Variants in TCF4 observed in about 807,000 individuals in gnomAD.
TCF4 encodes transcription factor 4, also known as SL3-3 enhancer factor 2.
Under a neutral mutation model 82.1 loss-of-function variants are expected in TCF4, and 3 were observed. That is an observed-to-expected ratio of 0.04 (90% CI 0.02 to 0.09). The LOEUF (loss-of-function observed/expected upper bound fraction) is 0.09, where lower values mean the gene tolerates loss of function less well. TCF4 is among the 10% of genes least tolerant of loss of function. The pLI, the probability that TCF4 is intolerant of heterozygous loss-of-function variation, is 1.00. For synonymous variants in TCF4, 276 were observed against 309.6 expected, an observed-to-expected ratio of 0.89 and a Z score of 1.14; for missense variants, 518 against 852.7, an observed-to-expected ratio of 0.61 and a Z score of 4.89.
intron 3 of TCF4, among the ~76,000 whole-genome samples, chr18:55,476,544 G>A (rs1379220078): frequency 1.3e-5 from 2 of 151,688 alleles, no homozygotes; most frequent in South Asian, 4.2e-4. Context: ...GGTGCGATCA[G>A]GGCTCGCTGC....
intron 8 of TCF4, among the ~76,000 whole-genome samples, chr18:55,294,124 G>T (rs2146697415): frequency 6.6e-6 from 1 of 151,236 alleles, no homozygotes; most frequent in South Asian, 2.1e-4. Flanking sequence ...GCTGAGTATG[G>T]TGGTGGGTGC....
At chr18:55,257,180 C>T (rs1568489987) in intron 14 of TCF4, 135 bp downstream of exon 14, 4 of 894,510 alleles carry the variant, frequency 4.5e-6, no homozygotes, top group East Asian at 2.6e-5. Context: ...ACTCTGGCTC[C>T]CGCAAACCTG....
intron 5 of TCF4, among the ~76,000 whole-genome samples, chr18:55,431,558 T>C (rs1224217125): frequency 6.6e-6 from 1 of 152,076 alleles, no homozygotes; most frequent in Non-Finnish European, 1.5e-5. Flanking sequence ...GGGATTACAG[T>C]TGTGAACCAC....
chr18:55,387,880 A>G (rs1022790018), intron 6 of TCF4, among the ~76,000 whole-genome samples: 3 of 152,198 alleles, frequency 2.0e-5, no homozygotes, highest in Non-Finnish European at 2.9e-5. Flanking sequence ...AAGCGGGTAC[A>G]AAGACATCAA....
intron 8 of TCF4, among the ~76,000 whole-genome samples, chr18:55,324,194 G>A (rs1159998063): frequency 1.3e-5 from 2 of 152,172 alleles, no homozygotes; most frequent in African/African-American, 2.4e-5. Flanking sequence ...TTGCCTAATG[G>A]AAACGAGTCT....
intron 8 of TCF4, among the ~76,000 whole-genome samples, chr18:55,280,049 T>C (rs2062241232): frequency 6.6e-6 from 1 of 152,168 alleles, no homozygotes; most frequent in Non-Finnish European, 1.5e-5. Flanking sequence ...CTCTTTCAAA[T>C]GGTAGAGTAA....
intron 3 of TCF4, among the ~76,000 whole-genome samples, chr18:55,552,123 T>C (rs1461654335): frequency 6.6e-6 from 1 of 152,174 alleles, no homozygotes; most frequent in African/African-American, 2.4e-5. Context: ...AAATATCCCA[T>C]TCCATCTAGG....
intron 8 of TCF4, chr18:55,322,092 C>CTTTTTTTTTTTCTTTTTTTTTT (rs2075666174): frequency 2.2e-6 from 2 of 920,766 alleles, no homozygotes; most frequent in Non-Finnish European, 1.3e-6. Context: ...TTTTTCTTTT[C>CTTTTTTTTTTTCTTTTTTTTTT]TTTTTTTTTT....
At chr18:55,393,140 G>C (rs920447359) in intron 6 of TCF4, among the ~76,000 whole-genome samples, 3 of 152,194 alleles carry the variant, frequency 2.0e-5, no homozygotes, top group Non-Finnish European at 2.9e-5. Flanking sequence ...CTAGGTAGAA[G>C]GATGGCTTGA....
intron 8 of TCF4, among the ~76,000 whole-genome samples, chr18:55,286,101 T>C (rs1194462206): frequency 6.6e-6 from 1 of 152,236 alleles, no homozygotes; most frequent in Non-Finnish European, 1.5e-5. Flanking sequence ...ATCCGCAATT[T>C]AGTCCTTGGC....
chr18:55,579,802 T>C (rs959399843), intron 3 of TCF4, among the ~76,000 whole-genome samples: 19 of 152,042 alleles, frequency 1.2e-4, no homozygotes, highest in South Asian at 4.1e-4. Context: ...TAGGAGTAAA[T>C]GTTTGATCTT....
intron 2 of TCF4, 126 bp from the exon 3 acceptor site, chr18:55,585,478 CA>C: frequency 2.3e-6 from 2 of 862,402 alleles, no homozygotes; most frequent in Non-Finnish European, 3.8e-6. Context: ...TAGTAAAATA[CA>C]TCACCATCCA....
At chr18:55,450,043 A>G (rs924308053) in intron 5 of TCF4, among the ~76,000 whole-genome samples, 24 of 152,298 alleles carry the variant, frequency 1.6e-4, no homozygotes, top group African/African-American at 5.8e-4. Flanking sequence ...GCTTTACGTT[A>G]TTTCTTTTAA....
chr18:55,344,101 C>A (rs553978646), intron 8 of TCF4, among the ~76,000 whole-genome samples: 2 of 152,252 alleles, frequency 1.3e-5, no homozygotes, highest in East Asian at 3.9e-4. Flanking sequence ...AGGATTACTG[C>A]CACATCTTCT....
intron 8 of TCF4, among the ~76,000 whole-genome samples, chr18:55,304,277 T>G (rs1385310977): frequency 6.6e-6 from 1 of 152,110 alleles, no homozygotes; most frequent in East Asian, 1.9e-4. Flanking sequence ...CAGAAATGAC[T>G]GAACACCAGA....
At chr18:55,331,294 G>A (rs2077526607) in intron 8 of TCF4, among the ~76,000 whole-genome samples, 1 of 152,182 alleles carries the variant, frequency 6.6e-6, no homozygotes, top group Non-Finnish European at 1.5e-5. Context: ...ATCAGGTTCT[G>A]TAGTCACTTC....
Position 55,630,156 on chromosome 18 carries a change from G to T in TCF4, c.286+1142C>A, listed in dbSNP as rs2097730249. The stretch of plus-strand genomic sequence containing the variant: ...TATATCATTAATTTAAAATATAAAG[G>T]GCTGAAAATAATGAACTAACATCTC... On this transcript the variant is annotated intron_variant, in intron 2 of 20. Transcript: ENST00000398339. Among the ~76,000 whole-genome samples the T allele has an allele frequency of 2.6e-5, 4 of 152,022 alleles. No homozygotes were observed. In the South Asian group the frequency reaches 8.3e-4, roughly 32 times the overall value.
intron 2 of TCF4, among the ~76,000 whole-genome samples, chr18:55,596,752 C>G (rs2097691318): frequency 6.6e-6 from 1 of 152,008 alleles, no homozygotes; most frequent in Non-Finnish European, 1.5e-5. Context: ...TGCATCATAA[C>G]AAGAGTATTG....
intron 2 of TCF4, among the ~76,000 whole-genome samples, chr18:55,612,502 GAT>G (rs1324046968): frequency 1.3e-5 from 2 of 151,470 alleles, no homozygotes; most frequent in African/African-American, 4.9e-5. Flanking sequence ...ACAATAATAT[GAT>G]AAAAATAATC....
Sources: gnomAD v4.1 joint callset for allele counts (sites outside exome capture counted in the v4.1 genomes callset) on GRCh38, gnomAD v4.1.1 for gene constraint, MANE v1.5 for transcripts, NCBI Gene and HGNC (gene_info 2026-07-23, HGNC 2026-07-21) for gene names.